CD109: variants seen among roughly 807,000 people sequenced by gnomAD.
The protein encoded by CD109 is CD109 molecule.
CD109 carries 149 observed loss-of-function variants against 165.8 expected under a neutral mutation model. That is an observed-to-expected ratio of 0.90 (90% CI 0.79 to 1.03). The LOEUF is 1.03. Among genes scored for constraint, CD109 ranks in the 50% least tolerant of loss-of-function variants. CD109 has a pLI of 0.00. For synonymous variants in CD109, 585 were observed against 592.1 expected (o/e 0.99, Z 0.18); for missense variants, 1,712 against 1,677.8 (o/e 1.02, Z -0.36).
intron 2 of CD109, among the ~76,000 whole-genome samples, chr6:73,700,683 G>T (rs1023775419): frequency 6.6e-6 from 1 of 151,876 alleles, no homozygotes; most frequent in African/African-American, 2.4e-5. Flanking sequence ...GACAGATATG[G>T]GGGAGATTTT....
At chr6:73,777,071 G>T (rs1218632498) in intron 15 of CD109, among the ~76,000 whole-genome samples, 3 of 65,822 alleles carry the variant, frequency 4.6e-5, no homozygotes, top group Non-Finnish European at 8.1e-5. Context: ...TGATTCTCCT[G>T]CCTCAGCCTC....
chr6:73,725,499 C>T (rs1415511032), intron 3 of CD109, among the ~76,000 whole-genome samples: 1 of 77,326 alleles, frequency 1.3e-5, no homozygotes, highest in African/African-American at 4.6e-5. Flanking sequence ...TTGTCTACTA[C>T]ACTTCTTTTT....
At chr6:73,733,242 A>G (rs1772429584) in intron 4 of CD109, among the ~76,000 whole-genome samples, 1 of 152,216 alleles carries the variant, frequency 6.6e-6, no homozygotes, top group Admixed American at 6.5e-5. Context: ...TGACTGAGAC[A>G]GTTGTACTCC....
intron 2 of CD109, among the ~76,000 whole-genome samples, chr6:73,700,798 T>G (rs1280990225): frequency 8.5e-4 from 107 of 125,424 alleles, no homozygotes; most frequent in Non-Finnish European, 1.4e-3. Context: ...TAGTTTTTTT[T>G]TTTTTTTTTT....
At chr6:73,804,167 C>G (rs1009381896) in intron 24 of CD109, 2 of 152,226 alleles carry the variant, frequency 1.3e-5, no homozygotes, top group Non-Finnish European at 2.9e-5. Context: ...AAGTGAATTC[C>G]TCTGTGTAAC....
intron 31 of CD109, among the ~76,000 whole-genome samples, chr6:73,819,228 G>C (rs915017535): frequency 1.3e-5 from 2 of 152,172 alleles, no homozygotes; most frequent in Non-Finnish European, 2.9e-5. Context: ...TGAAAAATTA[G>C]GTGCTAAATC....
At chr6:73,772,992 G>A (rs1048847693) in intron 15 of CD109, among the ~76,000 whole-genome samples, 13 of 148,662 alleles carry the variant, frequency 8.7e-5, no homozygotes, top group African/African-American at 3.2e-4. Flanking sequence ...TGTAGATCTT[G>A]CATTTGATTT....
chr6:73,790,678 G>A (rs1017691724), intron 22 of CD109, among the ~76,000 whole-genome samples: 1 of 152,116 alleles, frequency 6.6e-6, no homozygotes, highest in African/African-American at 2.4e-5. Context: ...AGATGTCTGA[G>A]CTCAAGTAGT....
intron 29 of CD109, among the ~76,000 whole-genome samples, chr6:73,813,266 C>T (rs550194954): frequency 6.6e-6 from 1 of 152,252 alleles, no homozygotes; most frequent in African/African-American, 2.4e-5. Context: ...TTCTCATTCT[C>T]AAGCTGTCTT....
At chr6:73,786,321 G>A (rs908953967) in intron 20 of CD109, among the ~76,000 whole-genome samples, 5 of 152,106 alleles carry the variant, frequency 3.3e-5, no homozygotes, top group African/African-American at 9.7e-5. Flanking sequence ...GTAGAGATAC[G>A]TAATTAACTT....
intron 6 of CD109, among the ~76,000 whole-genome samples, chr6:73,757,973 G>C (rs997670663): frequency 1.3e-5 from 2 of 151,974 alleles, no homozygotes; most frequent in Non-Finnish European, 2.9e-5. Flanking sequence ...TGTTGAATGA[G>C]GTATAGTGGA....
In CD109 at chr6:73,808,075, C is replaced by T. The variant is rs1334746290; in HGVS notation, c.3190-8C>T. On this transcript the variant is annotated splice_polypyrimidine_tract_variant and splice_region_variant and intron_variant, in intron 25 of 32. Coordinates refer to ENST00000287097, the MANE Select transcript of CD109 (RefSeq NM_133493.5). ...GAATAGTAAAAAACATACTTTTTTTCTTCCAAGCCTAACATTGATGTGCAA... is the reference window on the plus strand; with the variant it reads ...GAATAGTAAAAAACATACTTTTTTTTTTCCAAGCCTAACATTGATGTGCAA... 9 of 1,607,360 alleles carry T rather than the reference C, an allele frequency of 5.6e-6. No individual in the cohort carries two copies. Among genetic ancestry groups the T allele is most frequent in the African/African-American group, 2.7e-5 (2 of 74,420 alleles).
At chr6:73,760,223 C>T (rs532522206) in intron 7 of CD109, among the ~76,000 whole-genome samples, 40 of 151,360 alleles carry the variant, frequency 2.6e-4, no homozygotes, top group African/African-American at 8.7e-4. Context: ...TTGGCTAACA[C>T]GGTGAAACCC....
At chr6:73,684,761 G>A in the CD109 span, among the ~76,000 whole-genome samples, 8 of 151,842 alleles carry the variant, frequency 5.3e-5, no homozygotes, top group Non-Finnish European at 1.2e-4. Context: ...CATAGCTCAC[G>A]GTAACCTCAA....
intron 1 of CD109, among the ~76,000 whole-genome samples, chr6:73,696,720 CATT>C (rs1222197881): frequency 6.6e-6 from 1 of 152,104 alleles, no homozygotes; most frequent in Non-Finnish European, 1.5e-5. Flanking sequence ...CAGGGGCAGA[CATT>C]ATAGGAAGAA....
At chr6:73,788,426 G>A (rs1774780773) in intron 21 of CD109, 42 bp from the exon 22 acceptor site, 1 of 1,578,550 alleles carries the variant, frequency 6.3e-7, no homozygotes, top group Non-Finnish European at 8.6e-7. Context: ...CTGTAAACAT[G>A]TGAGTAGAGA....
chr6:73,764,842 A>G (rs1773774860), intron 10 of CD109, among the ~76,000 whole-genome samples: 1 of 151,866 alleles, frequency 6.6e-6, no homozygotes, highest in African/African-American at 2.4e-5. Flanking sequence ...AACAACTAAA[A>G]CGACAAAGAA....
At chr6:73,730,660 G>A (rs1772332941) in intron 4 of CD109, 86 bp downstream of exon 4, 2 of 781,618 alleles carry the variant, frequency 2.6e-6, no homozygotes, top group Admixed American at 2.7e-5. Flanking sequence ...ACTGACACTG[G>A]AATATTTTAG....
intron 17 of CD109, among the ~76,000 whole-genome samples, chr6:73,781,760 C>T (rs1774509939): frequency 6.6e-6 from 1 of 150,834 alleles, no homozygotes; most frequent in South Asian, 2.1e-4. Context: ...CACACACACA[C>T]ACACACACAC....
Sources: gnomAD v4.1 joint callset for allele counts (sites outside exome capture counted in the v4.1 genomes callset) on GRCh38, gnomAD v4.1.1 for gene constraint, MANE v1.5 for transcripts, NCBI Gene and HGNC (gene_info 2026-07-23, HGNC 2026-07-21) for gene names.